The following DCDC1 variants were observed in gnomAD, a reference collection of about 807,000 sequenced individuals.
DCDC1 encodes the protein doublecortin domain containing 1, also known as doublecortin domain-containing protein 1.
A neutral mutation model predicts 178.3 loss-of-function variants in DCDC1; 200 were observed. That is an observed-to-expected ratio of 1.12 (90% confidence interval 1.00 to 1.26). The LOEUF (loss-of-function observed/expected upper bound fraction) is 1.26. Among genes scored for constraint, DCDC1 ranks in the 50% most tolerant of loss-of-function variants. The probability of loss-of-function intolerance (pLI) is 0.00; values close to 1 mark genes in which losing one functional copy is unlikely to be tolerated. For missense variants in DCDC1, 1,983 were observed against 1,749.2 expected (o/e 1.13, Z -2.38); for synonymous variants, 690 against 604.8 (o/e 1.14, Z -2.07).
rs146665151 is a variant in DCDC1, at chr11:31,306,334, C to T, written c.489G>A (p.Leu163=). The T allele has an allele frequency of 6.0e-5, 97 of 1,609,752 alleles. No homozygotes were observed. The African/African-American group carries it at 1.1e-3, about 18-fold the overall frequency. ...TTGGTTGAAGTTTGTGTCTTTGAGA[C>T]AATTTCTGCCAATTCCGGGCTGACT... ...KFQSARNWQK[L]SQRHKLQPRV... is the part of the protein sequence containing the mutation. The change falls in exon 5 of 39, where the codon TTG becomes TTA. Residue 163 remains leucine (L), a synonymous_variant. Transcript: ENST00000684477.
chr11:31,176,711 A>G (rs1390670124), intron 9 of DCDC1, among the ~76,000 whole-genome samples: 1 of 152,216 alleles, frequency 6.6e-6, no homozygotes, highest in African/African-American at 2.4e-5. Context: ...ATTTCTCAGC[A>G]GAAATCTTTC....
At chr11:30,899,750 T>A (rs1944520242) in intron 33 of DCDC1, 108 bp from the exon 34 acceptor site, 3 of 816,272 alleles carry the variant, frequency 3.7e-6, no homozygotes, top group Admixed American at 3.4e-5. Context: ...TAGAAACAAG[T>A]AATTAAAAGG....
At chr11:31,349,388 A>C (rs1434986896) in intron 1 of DCDC1, among the ~76,000 whole-genome samples, 1 of 152,178 alleles carries the variant, frequency 6.6e-6, no homozygotes, top group Non-Finnish European at 1.5e-5. Context: ...CATTCAATCA[A>C]CAAATTGTTG....
chr11:31,124,334 G>A (rs761847627), intron 11 of DCDC1, among the ~76,000 whole-genome samples: 4 of 151,540 alleles, frequency 2.6e-5, no homozygotes, highest in East Asian at 1.9e-4. Context: ...ATTGATTTGC[G>A]TATGTTGAAC....
At chr11:31,182,743 C>G (rs1968975330) in intron 9 of DCDC1, among the ~76,000 whole-genome samples, 1 of 152,152 alleles carries the variant, frequency 6.6e-6, no homozygotes, top group South Asian at 2.1e-4. Context: ...CAAATTCACA[C>G]ATAAGAATAT....
At chr11:31,277,637 A>G (rs942757288) in intron 7 of DCDC1, among the ~76,000 whole-genome samples, 1 of 152,124 alleles carries the variant, frequency 6.6e-6, no homozygotes, top group African/African-American at 2.4e-5. Flanking sequence ...TGGTAACTCC[A>G]TGGATTTAAT....
intron 21 of DCDC1, among the ~76,000 whole-genome samples, chr11:30,941,417 C>G (rs158629): frequency 0.59 from 89,672 of 151,874 alleles, 27,818 homozygotes; most frequent in Middle Eastern, 0.76. Flanking sequence ...CCCTGCTGCC[C>G]TCTCCCTCAC....
intron 20 of DCDC1, among the ~76,000 whole-genome samples, chr11:31,011,629 C>A (rs765938405): frequency 6.6e-6 from 1 of 152,176 alleles, no homozygotes; most frequent in Non-Finnish European, 1.5e-5. Context: ...TCATCCCCTA[C>A]GCTATAGTAG....
chr11:31,001,754 C>G (rs1013545767), intron 20 of DCDC1, among the ~76,000 whole-genome samples: 1 of 152,224 alleles, frequency 6.6e-6, no homozygotes, highest in African/African-American at 2.4e-5. Context: ...AAATGATACA[C>G]TTTCTGTTTC....
At chr11:31,020,712 C>A (rs1263321959) in intron 20 of DCDC1, among the ~76,000 whole-genome samples, 1 of 152,248 alleles carries the variant, frequency 6.6e-6, no homozygotes, top group Non-Finnish European at 1.5e-5. Flanking sequence ...GCTGGGTTTA[C>A]AGGCATGAGC....
intron 9 of DCDC1, among the ~76,000 whole-genome samples, chr11:31,232,669 C>G (rs1380106827): frequency 6.6e-6 from 1 of 152,142 alleles, no homozygotes; most frequent in Non-Finnish European, 1.5e-5. Flanking sequence ...AGTGCCATTA[C>G]AACTCTATCT....
chr11:30,898,685 A>G (rs1245315169), intron 34 of DCDC1, among the ~76,000 whole-genome samples: 1 of 152,198 alleles, frequency 6.6e-6, no homozygotes, highest in African/African-American at 2.4e-5. Context: ...AGTAGTAGTC[A>G]TTATTTTCAC....
intron 16 of DCDC1, among the ~76,000 whole-genome samples, chr11:31,093,777 G>A (rs1245023083): frequency 6.6e-6 from 1 of 152,168 alleles, no homozygotes; most frequent in Non-Finnish European, 1.5e-5. Context: ...TGAGTCTGTG[G>A]ACTACAAACA....
At chr11:30,989,134 G>C (rs1220342410) in intron 20 of DCDC1, among the ~76,000 whole-genome samples, 1 of 152,028 alleles carries the variant, frequency 6.6e-6, no homozygotes, top group African/African-American at 2.4e-5. Flanking sequence ...CAAAATAAGA[G>C]GGGGGGCAGT....
rs1262449714 is a variant in DCDC1 at position 30,916,908 on chromosome 11, T to C, written c.3414A>G (p.Lys1138=). 8 of 1,604,976 alleles carry C rather than the reference T, an allele frequency of 5.0e-6. No individual in the cohort carries two copies. Among genetic ancestry groups the C allele is most frequent in the East Asian group, 2.2e-5 (1 of 44,656 alleles). The change falls in exon 26 of 39, where the codon AAA becomes AAG. Residue 1138 remains lysine, a synonymous_variant. Coordinates refer to ENST00000684477, the MANE Select transcript of DCDC1 (RefSeq NM_001387274.1). The part of the protein sequence containing the change: ...EDDSLPKKTE[K]GLFENVEPQK... ...GTGGTTCCACATTTTCAAAGAGCCC[T>C]TTTTCCGTTTTCTTTGGAAGACTGT...
intron 9 of DCDC1, among the ~76,000 whole-genome samples, chr11:31,165,246 A>G (rs994503142): frequency 2.0e-5 from 3 of 152,228 alleles, no homozygotes; most frequent in Non-Finnish European, 4.4e-5. Context: ...GGTAAACATT[A>G]TAATATGTAA....
intron 9 of DCDC1, among the ~76,000 whole-genome samples, chr11:31,219,617 G>A (rs532190917): frequency 2.0e-5 from 3 of 152,204 alleles, no homozygotes; most frequent in Admixed American, 6.5e-5. Context: ...CTTGAAAAGG[G>A]TTTTCATTCT....
intron 20 of DCDC1, among the ~76,000 whole-genome samples, chr11:30,994,076 C>T (rs1286088151): frequency 6.6e-6 from 1 of 151,832 alleles, no homozygotes; most frequent in Non-Finnish European, 1.5e-5. Context: ...TTAGATCCAG[C>T]AATATAAAAA....
chr11:30,980,689 T>C (rs1007867951), intron 20 of DCDC1, among the ~76,000 whole-genome samples: 1 of 152,114 alleles, frequency 6.6e-6, no homozygotes, highest in Non-Finnish European at 1.5e-5. Context: ...AATAAATGAA[T>C]GAAAAGAATG....
Sources: allele counts gnomAD v4.1 joint callset (sites outside exome capture counted in the v4.1 genomes callset), GRCh38; gene constraint gnomAD v4.1.1; transcripts MANE v1.5; gene names NCBI Gene and HGNC (gene_info 2026-07-23, HGNC 2026-07-21).